The following WBP2NL variants were observed in gnomAD, a reference collection of about 807,000 sequenced individuals.
WBP2NL encodes postacrosomal sheath WW domain-binding protein.
WBP2NL carries 27 observed loss-of-function variants against 23.3 expected under a neutral mutation model. That is an observed-to-expected ratio of 1.16 (90% confidence interval 0.85 to 1.60). The LOEUF is 1.60. WBP2NL is among the 40% of genes most tolerant of loss of function. The pLI, the probability that WBP2NL is intolerant of heterozygous loss-of-function variation, is 0.00. For missense variants in WBP2NL, 370 were observed against 389.5 expected, an observed-to-expected ratio of 0.95 and a Z score of 0.42; for synonymous variants, 151 against 145.9, an observed-to-expected ratio of 1.03 and a Z score of -0.25.
intron 3 of WBP2NL, 23 bp from the exon 4 acceptor site, chr22:42,019,981 G>C (rs548775080): frequency 9.9e-5 from 159 of 1,611,128 alleles, no homozygotes; most frequent in Non-Finnish European, 1.3e-4. Flanking sequence ...TTCTTGGTGA[G>C]TGTGTGCCAT....
Position 42,000,760 on chromosome 22 carries a change from C to A in WBP2NL, c.62+1880C>A, listed in dbSNP as rs1461170771. ...TGGCCAATATGTTGAAACCCCATCT[C>A]TACTAAAAATACAAAAAAAAAAAAA... On this transcript the variant is annotated intron_variant, in intron 1 of 5. Transcript: ENST00000328823. Among the ~76,000 whole-genome samples, 2 of 138,492 alleles carry A rather than the reference C, an allele frequency of 1.4e-5. 1 individual carries two copies. Among genetic ancestry groups the A allele is most frequent in the Non-Finnish European group, 3.1e-5 (2 of 64,722 alleles). 90.9% of individuals were successfully genotyped at this position (138,492 alleles called of 152,430 possible).
At chr22:42,024,106 T>C (rs1426389498) in intron 5 of WBP2NL, among the ~76,000 whole-genome samples, 2 of 152,220 alleles carry the variant, frequency 1.3e-5, no homozygotes, top group Non-Finnish European at 2.9e-5. Flanking sequence ...CCTTTTGTGT[T>C]TGGCTTATCT....
chr22:42,055,434 C>CA (rs1365056977), intron 8 of WBP2NL, among the ~76,000 whole-genome samples: 3 of 152,156 alleles, frequency 2.0e-5, no homozygotes, highest in Non-Finnish European at 4.4e-5. Context: ...CTTGGCCTCC[C>CA]AAAGTGCTGG....
In WBP2NL at chr22:42,026,821, A is replaced by C; in HGVS notation, c.570A>C (p.Gly190=). 6.2e-7 allele frequency: 1 copy of C among 1,613,890 alleles called. No homozygotes were observed. Among genetic ancestry groups the C allele is most frequent in the Non-Finnish European group, 8.5e-7 (1 of 1,179,914 alleles). Residue 190 remains glycine, a synonymous_variant, in exon 6 of 6, where the codon GGA becomes GGC. Coordinates refer to ENST00000328823, the MANE Select transcript of WBP2NL (RefSeq NM_152613.3). The part of the protein sequence containing the change: ...AGYGAPPPGY[G]APPAGYGAQP... ...ATGGAGCCCCACCTCCCGGATACGG[A>C]GCCCCACCTGCAGGATATGGAGCCC...
chr22:42,002,694 G>GC (rs1267720470), intron 1 of WBP2NL: 2 of 152,188 alleles, frequency 1.3e-5, no homozygotes, highest in Non-Finnish European at 2.9e-5. Flanking sequence ...TGCTTAAAGC[G>GC]CATGTGGGAG....
chr22:42,011,992 G>T (rs951327260), intron 1 of WBP2NL, among the ~76,000 whole-genome samples: 7 of 151,728 alleles, frequency 4.6e-5, no homozygotes, highest in Admixed American at 3.3e-4. Context: ...GGCCAGGCTG[G>T]TCTCAAACTC....
At chr22:42,005,545 C>G (rs1297932366) in intron 1 of WBP2NL, among the ~76,000 whole-genome samples, 1 of 152,030 alleles carries the variant, frequency 6.6e-6, no homozygotes, top group African/African-American at 2.4e-5. Flanking sequence ...ATAGATGAAG[C>G]CTGTGGTGGC....
In WBP2NL at chr22:42,026,813, G is replaced by A. The variant is rs765662000; in HGVS notation, c.562G>A (p.Gly188Arg). Residue 188 changes from glycine to arginine, a missense_variant, in exon 6 of 6, where the codon GGA (glycine) becomes AGA (arginine). Transcript: ENST00000328823. ...TGCAGGATATGGAGCCCCACCTCCC[G>A]GATACGGAGCCCCACCTGCAGGATA... ...PPAGYGAPPPGYGAPPAGYGA... is the reference protein window; with the variant it reads ...PPAGYGAPPPRYGAPPAGYGA... 31 of 1,613,698 alleles carry A rather than the reference G, an allele frequency of 1.9e-5. No individual in the cohort carries two copies. In the East Asian group the frequency reaches 2.5e-4, roughly 13 times the overall value.
chr22:42,033,849 T>A (rs1426540604), downstream of WBP2NL, among the ~76,000 whole-genome samples: 1 of 152,176 alleles, frequency 6.6e-6, no homozygotes, highest in East Asian at 1.9e-4. Flanking sequence ...TACATATCGA[T>A]TGGTCCATAT....
chr22:42,044,166 G>T (rs2146818589), intron 8 of WBP2NL, among the ~76,000 whole-genome samples: 1 of 152,244 alleles, frequency 6.6e-6, no homozygotes, highest in East Asian at 1.9e-4. Flanking sequence ...TCTGTGCCTA[G>T]AATGCTTTCT....
chr22:42,006,294 C>T (rs1037539128), intron 1 of WBP2NL, among the ~76,000 whole-genome samples: 2 of 151,534 alleles, frequency 1.3e-5, no homozygotes, highest in Non-Finnish European at 2.9e-5. Context: ...GATCTCCGCT[C>T]ACTGCAAGCT....
chr22:42,005,660 A>G (rs1426470799), intron 1 of WBP2NL, among the ~76,000 whole-genome samples: 8 of 152,232 alleles, frequency 5.3e-5, no homozygotes, highest in Non-Finnish European at 1.0e-4. Context: ...CAGTACACAT[A>G]TCATTTGGTT....
At chr22:42,033,788 G>C (rs775707367), downstream of WBP2NL, among the ~76,000 whole-genome samples, 24 of 152,194 alleles carry the variant, frequency 1.6e-4, no homozygotes, top group Non-Finnish European at 2.2e-4. Context: ...CCCAACATCT[G>C]CTTAGCTCTG....
intron 1 of WBP2NL, among the ~76,000 whole-genome samples, chr22:41,999,495 A>G (rs183808535): frequency 1.8e-4 from 27 of 152,290 alleles, no homozygotes; most frequent in African/African-American, 6.0e-4. Context: ...AAATTGAAAA[A>G]ATTGAGGCCA....
chr22:42,016,095 C>T (rs189719707), intron 1 of WBP2NL, among the ~76,000 whole-genome samples: 18 of 152,198 alleles, frequency 1.2e-4, no homozygotes, highest in Admixed American at 7.9e-4. Context: ...AATTCTCCTG[C>T]CTCAGCCTCC....
At chr22:42,055,276 A>T (rs1925989179) in intron 8 of WBP2NL, among the ~76,000 whole-genome samples, 1 of 152,148 alleles carries the variant, frequency 6.6e-6, no homozygotes, top group Non-Finnish European at 1.5e-5. Flanking sequence ...TCAGGGTTCA[A>T]GCGATTTTCC....
chr22:42,031,699 GT>G (rs113977913), downstream of WBP2NL: 41 of 141,364 alleles, frequency 2.9e-4, no homozygotes, highest in South Asian at 4.5e-4. Flanking sequence ...TCCTCTTTTT[GT>G]TTTTTTTTTT....
intron 8 of WBP2NL, among the ~76,000 whole-genome samples, chr22:42,054,175 G>A (rs932227159): frequency 2.6e-5 from 4 of 151,476 alleles, no homozygotes; most frequent in Admixed American, 1.3e-4. Flanking sequence ...TTTTTTGATT[G>A]CTTCTGATTT....
At position 42,027,155 on chromosome 22, in the gene WBP2NL, GCCT is replaced by G. The variant is rs1445393684; in HGVS notation, c.909_911del (p.Ser305del). On this transcript the variant is annotated inframe_deletion, in exon 6 of 6. Coordinates refer to ENST00000328823, the MANE Select transcript of WBP2NL (RefSeq NM_152613.3). ...TGAAAACGAGGCTTCTCTTCCCTCT[GCCT>G]CCTCTTCTCAGGTCCATTCTTAACC... 1.9e-6 allele frequency: 3 copies of G among 1,613,576 alleles called. No individual in the cohort carries two copies. The highest frequency in any genetic ancestry group is 2.5e-6 in the Non-Finnish European group (3 of 1,179,794).
Sources: gnomAD v4.1 joint callset for allele counts (sites outside exome capture counted in the v4.1 genomes callset) on GRCh38, gnomAD v4.1.1 for gene constraint, MANE v1.5 for transcripts, NCBI Gene and HGNC (gene_info 2026-07-23, HGNC 2026-07-21) for gene names.